Variants in STK24 observed in about 807,000 individuals in gnomAD.
The protein encoded by STK24 is serine/threonine kinase 24.
In STK24, 21 loss-of-function variants were observed where a neutral mutation model predicts 55.6. The ratio of observed to expected loss-of-function variants is 0.38; its 90% confidence interval spans 0.27 to 0.54. The LOEUF is 0.54. STK24 is among the 20% of genes least tolerant of loss of function. STK24 has a pLI of 0.79. For synonymous variants in STK24, 200 were observed against 215.2 expected (o/e 0.93, Z 0.62); for missense variants, 383 against 538.4 (o/e 0.71, Z 2.86).
At chr13:98,545,621 A>G (rs536075551) in intron 1 of STK24, among the ~76,000 whole-genome samples, 175 of 133,288 alleles carry the variant, frequency 1.3e-3, no homozygotes, top group African/African-American at 4.7e-3. Context: ...GTGACAGAGC[A>G]AAACTCCATC....
intron 2 of STK24, among the ~76,000 whole-genome samples, chr13:98,494,435 C>G (rs1032943424): frequency 1.1e-5 from 1 of 87,316 alleles, no homozygotes; most frequent in Non-Finnish European, 2.7e-5. Flanking sequence ...AAAAGTGCCT[C>G]TAACAGTATT....
chr13:98,565,966 G>A (rs1301942848), intron 1 of STK24, among the ~76,000 whole-genome samples: 1 of 152,208 alleles, frequency 6.6e-6, no homozygotes, highest in South Asian at 2.1e-4. Context: ...AAGGCCCAGG[G>A]CTCCCTCTGC....
At chr13:98,508,599 G>T (rs951760274) in intron 2 of STK24, among the ~76,000 whole-genome samples, 3 of 152,130 alleles carry the variant, frequency 2.0e-5, no homozygotes, top group African/African-American at 7.2e-5. Context: ...TATTGTCCGG[G>T]AAAGTGAGGG....
intron 1 of STK24, among the ~76,000 whole-genome samples, chr13:98,524,182 C>T (rs1263244372): frequency 6.6e-6 from 1 of 152,114 alleles, no homozygotes; most frequent in African/African-American, 2.4e-5. Flanking sequence ...GAAGGCAACC[C>T]TGTGGATTGT....
chr13:98,500,612 T>G, intron 2 of STK24, among the ~76,000 whole-genome samples: 1 of 150,046 alleles, frequency 6.7e-6, no homozygotes, highest in Admixed American at 6.6e-5. Context: ...AGGTCAAACC[T>G]TCCCACCCCC....
At chr13:98,574,579 TAC>T (rs1341512415) in intron 1 of STK24, among the ~76,000 whole-genome samples, 3 of 152,214 alleles carry the variant, frequency 2.0e-5, no homozygotes, top group Admixed American at 6.5e-5. Context: ...CCCCAAATGA[TAC>T]ACTGTTACCA....
chr13:98,569,999 C>G (rs1224124706), intron 1 of STK24, among the ~76,000 whole-genome samples: 2 of 151,842 alleles, frequency 1.3e-5, no homozygotes, highest in Non-Finnish European at 2.9e-5. Context: ...GCCTCAGCCT[C>G]CCAAGTAGCT....
At chr13:98,455,247 CTT>C (rs555612778) in intron 10 of STK24, 67 of 152,214 alleles carry the variant, frequency 4.4e-4, no homozygotes, top group African/African-American at 1.5e-3. Flanking sequence ...GTAAAATTCT[CTT>C]TTTGTTTGGT....
At chr13:98,509,265 A>C (rs1348311658) in intron 2 of STK24, among the ~76,000 whole-genome samples, 1 of 152,246 alleles carries the variant, frequency 6.6e-6, no homozygotes, top group Non-Finnish European at 1.5e-5. Context: ...GTTATAGCTA[A>C]GAGATTGGTG....
At chr13:98,488,220 G>A (rs1894883504) in intron 2 of STK24, among the ~76,000 whole-genome samples, 1 of 147,580 alleles carries the variant, frequency 6.8e-6, no homozygotes, top group African/African-American at 2.5e-5. Context: ...AAGACCACAT[G>A]AGCACACAGG....
intron 3 of STK24, among the ~76,000 whole-genome samples, chr13:98,482,063 T>C (rs1894605863): frequency 1.4e-5 from 2 of 139,492 alleles, no homozygotes; most frequent in Admixed American, 7.4e-5. Flanking sequence ...CAAGACTCTA[T>C]CTCAAAAAAA....
intron 2 of STK24, among the ~76,000 whole-genome samples, chr13:98,489,517 G>C (rs1012708716): frequency 7.2e-5 from 11 of 152,196 alleles, no homozygotes; most frequent in African/African-American, 9.7e-5. Context: ...TAACACCCTG[G>C]CTCTGGCTTT....
At chr13:98,562,507 A>G (rs1263834162) in intron 1 of STK24, among the ~76,000 whole-genome samples, 1 of 152,224 alleles carries the variant, frequency 6.6e-6, no homozygotes, top group Admixed American at 6.5e-5. Context: ...GACAAACTCA[A>G]GAAGAATTAT....
chr13:98,539,902 GACAC>G (rs1282063070), intron 1 of STK24, among the ~76,000 whole-genome samples: 1 of 152,130 alleles, frequency 6.6e-6, no homozygotes, highest in Non-Finnish European at 1.5e-5. Flanking sequence ...AGTCCACGCA[GACAC>G]ACACACAGAT....
chr13:98,494,178 G>A (rs1285161499), intron 2 of STK24, among the ~76,000 whole-genome samples: 3 of 145,496 alleles, frequency 2.1e-5, no homozygotes, highest in East Asian at 2.1e-4. Context: ...TTGGGAGGCC[G>A]AGGCGGGTGG....
chr13:98,574,592 T>C (rs1897832118), intron 1 of STK24, among the ~76,000 whole-genome samples: 1 of 152,216 alleles, frequency 6.6e-6, no homozygotes, highest in Non-Finnish European at 1.5e-5. Flanking sequence ...ACTGTTACCA[T>C]ACAGTCTGTA....
intron 1 of STK24, among the ~76,000 whole-genome samples, chr13:98,563,856 T>C (rs1321914414): frequency 3.4e-5 from 5 of 146,908 alleles, no homozygotes; most frequent in East Asian, 2.0e-4. Context: ...CGAGACTCCG[T>C]CTCAAAAAAA....
chr13:98,449,286 C>T lies in STK24; in HGVS notation c.*3887G>A, dbSNP rs1893065880. ...CCTGCAACTGTGGTTTGAAACTGCG[C>T]ATTCTCTAGTAGTATATATCGTGCC... is the stretch of plus-strand genomic sequence containing the variant. On this transcript the variant is annotated 3_prime_UTR_variant, in exon 11 of 11. Transcript: ENST00000539966. The T allele has an allele frequency of 6.6e-6, 1 of 152,192 alleles. No individual in the cohort carries two copies. The highest frequency in any genetic ancestry group is 1.5e-5 in the Non-Finnish European group (1 of 68,052). 9.4% of individuals were successfully genotyped at this position (152,192 alleles called of 1,614,324 possible).
intron 1 of STK24, among the ~76,000 whole-genome samples, chr13:98,527,309 A>C (rs1166832187): frequency 1.3e-5 from 2 of 152,082 alleles, no homozygotes; most frequent in African/African-American, 2.4e-5. Context: ...AGCTATACCA[A>C]AAAAAAGTCT....
Sources: allele counts gnomAD v4.1 joint callset (sites outside exome capture counted in the v4.1 genomes callset), GRCh38; gene constraint gnomAD v4.1.1; transcripts MANE v1.5; gene names NCBI Gene and HGNC (gene_info 2026-07-23, HGNC 2026-07-21).